The following GPC6 variants were observed in gnomAD, a reference collection of about 807,000 sequenced individuals.
GPC6 encodes the protein glypican 6, also known as glypican-6.
In GPC6, 14 loss-of-function variants were observed where a neutral mutation model predicts 55.2. The ratio of observed to expected loss-of-function variants is 0.25; its 90% CI spans 0.17 to 0.40. The LOEUF (loss-of-function observed/expected upper bound fraction) is 0.40, where lower values mean the gene tolerates loss of function less well. Among genes scored for constraint, GPC6 ranks in the 10% least tolerant of loss-of-function variants. The pLI is 1.00. For synonymous variants in GPC6, 278 were observed against 259.6 expected, an observed-to-expected ratio of 1.07 and a Z score of -0.68; for missense variants, 641 against 708.5, an observed-to-expected ratio of 0.90 and a Z score of 1.08.
chr13:93,340,022 C>CTTTTTT (rs1555292175), intron 1 of GPC6, among the ~76,000 whole-genome samples: 1 of 84,470 alleles, frequency 1.2e-5, no homozygotes, highest in Non-Finnish European at 2.6e-5. Flanking sequence ...CAAAAGTTTT[C>CTTTTTT]TTTCTTTTTT....
chr13:94,185,775 T>C (rs988238719), intron 4 of GPC6, among the ~76,000 whole-genome samples: 3 of 151,836 alleles, frequency 2.0e-5, no homozygotes, highest in Admixed American at 2.0e-4. Context: ...CTGTGAGAGA[T>C]TGAAAGTTGA....
chr13:94,116,163 G>A (rs1886422064), intron 4 of GPC6, among the ~76,000 whole-genome samples: 2 of 152,032 alleles, frequency 1.3e-5, no homozygotes, highest in Admixed American at 6.6e-5. Context: ...GGGGAGAGAA[G>A]ACAAATAGTT....
At chr13:93,898,745 C>G (rs1175819100) in intron 3 of GPC6, among the ~76,000 whole-genome samples, 2 of 151,372 alleles carry the variant, frequency 1.3e-5, no homozygotes, top group Non-Finnish European at 2.9e-5. Flanking sequence ...GAAATATGGC[C>G]AAGTTTTATG....
intron 1 of GPC6, among the ~76,000 whole-genome samples, chr13:93,435,534 A>G (rs1404172360): frequency 6.6e-6 from 1 of 151,756 alleles, no homozygotes; most frequent in Non-Finnish European, 1.5e-5. Flanking sequence ...GGTAGTTCTT[A>G]TTATTGCCCC....
intron 4 of GPC6, among the ~76,000 whole-genome samples, chr13:94,253,153 G>C (rs1891409140): frequency 6.6e-6 from 1 of 152,072 alleles, no homozygotes; most frequent in Admixed American, 6.6e-5. Context: ...TCTGCACACA[G>C]TGTATGTTCA....
At chr13:94,279,045 G>A (rs1428821853) in intron 4 of GPC6, among the ~76,000 whole-genome samples, 3 of 152,076 alleles carry the variant, frequency 2.0e-5, no homozygotes, top group Non-Finnish European at 4.4e-5. Flanking sequence ...GGTAGAATTC[G>A]GCTGTGAATC....
intron 2 of GPC6, among the ~76,000 whole-genome samples, chr13:93,706,501 TTAGA>T (rs1302893056): frequency 2.0e-5 from 3 of 152,056 alleles, no homozygotes; most frequent in African/African-American, 4.8e-5. Flanking sequence ...CAACACAGAA[TTAGA>T]TAGAAATCTT....
At chr13:93,746,358 G>C (rs1325581176) in intron 2 of GPC6, among the ~76,000 whole-genome samples, 2 of 152,094 alleles carry the variant, frequency 1.3e-5, no homozygotes, top group African/African-American at 4.8e-5. Context: ...GCTTATGTCG[G>C]AGCATACATA....
chr13:93,859,070 G>T (rs1209100803), intron 3 of GPC6, among the ~76,000 whole-genome samples: 2 of 151,058 alleles, frequency 1.3e-5, no homozygotes, highest in Non-Finnish European at 3.0e-5. Context: ...ATCTCTGTGG[G>T]GTCTATACTA....
At position 93,543,554 on chromosome 13, in the gene GPC6, G is replaced by A. The variant is rs915506489; in HGVS notation, c.161-1709G>A. On this transcript the variant is annotated intron_variant, in intron 1 of 8. Coordinates refer to ENST00000377047, the MANE Select transcript of GPC6 (RefSeq NM_005708.5). ...CTGGCCTCATAAAATGAGTTAGGGA[G>A]GATTCCCTCTTTTTCTATTGATTGG... 1.6e-4 allele frequency among the ~76,000 whole-genome samples: 24 copies of A among 152,128 alleles called. 1 individual carries two copies. The highest frequency in any genetic ancestry group is 3.9e-4 in the Admixed American group (6 of 15,274).
chr13:93,708,114 A>C (rs1882919071), intron 2 of GPC6, among the ~76,000 whole-genome samples: 1 of 151,836 alleles, frequency 6.6e-6, no homozygotes, highest in Non-Finnish European at 1.5e-5. Flanking sequence ...AAACATTATA[A>C]ATATTTTGAA....
intron 4 of GPC6, among the ~76,000 whole-genome samples, chr13:94,085,321 CAAAAAAAAAAA>C (rs33967804): frequency 1.1e-5 from 1 of 87,050 alleles, no homozygotes; most frequent in Non-Finnish European, 2.2e-5. Flanking sequence ...GATTCTGTCT[CAAAAAAAAAAA>C]AAAAAAAAAA....
rs1876126767 is a variant in GPC6 at position 93,233,353 on chromosome 13, A to AT, written c.160+5737_160+5738insT. Among the ~76,000 whole-genome samples, 6 of 143,028 alleles carry AT rather than the reference A, an allele frequency of 4.2e-5. No individual in the cohort carries two copies. In the Admixed American group the frequency reaches 4.2e-4, roughly 10 times the overall value. The allele number at this position is 143,028 out of a possible 152,430, so 93.8% of individuals were successfully genotyped here. A position where few individuals can be genotyped will look rare whatever the true frequency, so the allele number is the denominator to read the frequency against. On this transcript the variant is annotated intron_variant, in intron 1 of 8. Transcript: ENST00000377047. Reference sequence around the variant, plus strand: ...TGTGCCAGTTAGTAGCCAAAAAAAAAAAAATCAAAATTTGGTTTCACACTT... The same window carrying AT: ...TGTGCCAGTTAGTAGCCAAAAAAAAATAAAATCAAAATTTGGTTTCACACTT...
intron 4 of GPC6, among the ~76,000 whole-genome samples, chr13:94,048,801 A>G (rs1566335380): frequency 6.6e-6 from 1 of 151,980 alleles, no homozygotes; most frequent in African/African-American, 2.4e-5. Context: ...GCTTTTTTGT[A>G]TCACCTTCCC....
chr13:93,475,946 T>C (rs987704083), intron 1 of GPC6, among the ~76,000 whole-genome samples: 3 of 152,206 alleles, frequency 2.0e-5, no homozygotes, highest in Admixed American at 6.5e-5. Flanking sequence ...TGTTACGCTT[T>C]TGAGAATGAC....
intron 2 of GPC6, among the ~76,000 whole-genome samples, chr13:93,551,899 G>A (rs1875178801): frequency 1.3e-5 from 2 of 152,164 alleles, no homozygotes; most frequent in South Asian, 4.1e-4. Context: ...TAACAAATAC[G>A]TGTATAATCA....
the GPC6 span, among the ~76,000 whole-genome samples, chr13:93,220,238 C>T: frequency 6.6e-6 from 1 of 152,292 alleles, no homozygotes; most frequent in Admixed American, 6.5e-5. Context: ...ACCGAATAAG[C>T]CTGTGTTGTT....
upstream of GPC6, among the ~76,000 whole-genome samples, chr13:93,221,815 G>A (rs879773336): frequency 3.3e-5 from 5 of 152,138 alleles, no homozygotes; most frequent in Non-Finnish European, 5.9e-5. Flanking sequence ...TTAACTAAGC[G>A]ATTTTGATTT....
intron 5 of GPC6, among the ~76,000 whole-genome samples, chr13:94,298,908 T>G (rs959264616): frequency 6.6e-6 from 1 of 152,240 alleles, no homozygotes; most frequent in Non-Finnish European, 1.5e-5. Flanking sequence ...TGTCCTATCA[T>G]AGACACTTGA....
Sources: gnomAD v4.1 joint callset for allele counts (sites outside exome capture counted in the v4.1 genomes callset) on GRCh38, gnomAD v4.1.1 for gene constraint, MANE v1.5 for transcripts, NCBI Gene and HGNC (gene_info 2026-07-23, HGNC 2026-07-21) for gene names.